ATL3: variants seen among roughly 807,000 people sequenced by gnomAD.
The protein encoded by ATL3 is atlastin-3.
Under a neutral mutation model 69.5 loss-of-function variants are expected in ATL3, and 49 were observed. The observed-to-expected ratio is 0.71, with a 90% CI of 0.56 to 0.89. The LOEUF (loss-of-function observed/expected upper bound fraction) is 0.89. Ranked by LOEUF, ATL3 falls within the 40% of genes least tolerant of loss-of-function variation. The pLI, the probability that ATL3 is intolerant of heterozygous loss-of-function variation, is 0.00. For missense variants in ATL3, 606 were observed against 645.7 expected (o/e 0.94, Z 0.67); for synonymous variants, 214 against 224.1 (o/e 0.95, Z 0.40).
intron 3 of ATL3, among the ~76,000 whole-genome samples, chr11:63,652,915 A>C (rs1392186802): frequency 6.6e-6 from 1 of 152,232 alleles, no homozygotes; most frequent in Non-Finnish European, 1.5e-5. Context: ...CATCTTGGCC[A>C]GGTGCAGTGG....
Position 63,629,266 on chromosome 11 carries a change from C to T in ATL3, c.*53G>A, listed in dbSNP as rs567830115. The T allele has an allele frequency of 6.0e-6, 9 of 1,502,864 alleles. No homozygotes were observed. The highest frequency in any genetic ancestry group is 2.3e-5 in the South Asian group (2 of 88,470). 93.1% of individuals were successfully genotyped at this position (1,502,864 alleles called of 1,614,324 possible). A position where few individuals can be genotyped will look rare whatever the true frequency, so the allele number is the denominator to read the frequency against. On this transcript the variant is annotated 3_prime_UTR_variant, in exon 13 of 13. Coordinates refer to ENST00000398868, the MANE Select transcript of ATL3 (RefSeq NM_015459.5). The stretch of plus-strand genomic sequence containing the variant: ...ATGAACCTGTGGCCGTGGCAGAAAC[C>T]CAGAAATCAGTAGGGGCTTGTTGTG...
At chr11:63,639,873 T>G (rs1003182863) in intron 8 of ATL3, among the ~76,000 whole-genome samples, 14 of 152,198 alleles carry the variant, frequency 9.2e-5, no homozygotes, top group Non-Finnish European at 1.5e-4. Context: ...TTTCTGCATT[T>G]AATAATATAT....
chr11:63,637,401 G>A (rs1485660571), intron 8 of ATL3, among the ~76,000 whole-genome samples: 1 of 152,026 alleles, frequency 6.6e-6, no homozygotes, highest in South Asian at 2.1e-4. Flanking sequence ...GAAATCACTG[G>A]TCATTGATTT....
intron 9 of ATL3, 45 bp from the exon 10 acceptor site, chr11:63,635,635 A>G (rs746679687): frequency 4.3e-5 from 60 of 1,408,958 alleles, no homozygotes; most frequent in Non-Finnish European, 5.7e-5. Context: ...TTATTCAGTC[A>G]TATCTTACTC....
chr11:63,658,716 TTTGTTG>T (rs762091846), intron 3 of ATL3, 39 bp downstream of exon 3: 1 of 1,552,280 alleles, frequency 6.4e-7, no homozygotes, highest in Non-Finnish European at 8.7e-7. Flanking sequence ...AAGTTCATAT[TTTGTTG>T]TTGTTGTTGT....
chr11:63,646,074 A>C (rs1297448712), intron 6 of ATL3, among the ~76,000 whole-genome samples: 2 of 132,304 alleles, frequency 1.5e-5, no homozygotes, highest in African/African-American at 5.8e-5. Context: ...CCATTTTTTT[A>C]AGAGATGTCT....
chr11:63,646,357 T>C, intron 6 of ATL3, 150 bp downstream of exon 6: 1 of 519,982 alleles, frequency 1.9e-6, no homozygotes, highest in African/African-American at 2.0e-5. Flanking sequence ...TGCTCATTTT[T>C]TTCAACCATT....
chr11:63,640,886 G>C (rs1939679945), intron 8 of ATL3, among the ~76,000 whole-genome samples: 1 of 152,114 alleles, frequency 6.6e-6, no homozygotes, highest in Non-Finnish European at 1.5e-5. Flanking sequence ...ACAGGCGTGA[G>C]CCACTGCACC....
chr11:63,659,920 G>A (rs1940370340), intron 1 of ATL3, among the ~76,000 whole-genome samples: 1 of 152,078 alleles, frequency 6.6e-6, no homozygotes, highest in African/African-American at 2.4e-5. Context: ...CTGGGTGACA[G>A]ATAAGACCCT....
chr11:63,630,603 C>G (rs1939280030), intron 12 of ATL3, among the ~76,000 whole-genome samples: 1 of 151,912 alleles, frequency 6.6e-6, no homozygotes, highest in South Asian at 2.1e-4. Flanking sequence ...CGAGACCAGC[C>G]TGGTCAACAT....
chr11:63,646,299 G>A (rs1017786782), intron 6 of ATL3, among the ~76,000 whole-genome samples: 1 of 152,214 alleles, frequency 6.6e-6, no homozygotes, highest in South Asian at 2.1e-4. Context: ...TTTACCTACA[G>A]ACAATGACAC....
Position 63,629,147 on chromosome 11 carries a change from A to C in ATL3, c.*172T>G, listed in dbSNP as rs2134457041. The C allele has an allele frequency of 1.7e-6, 1 of 587,300 alleles. No homozygotes were observed. Among genetic ancestry groups the C allele is most frequent in the African/African-American group, 1.9e-5 (1 of 53,856 alleles). 36.4% of individuals were successfully genotyped at this position (587,300 alleles called of 1,614,324 possible). On this transcript the variant is annotated 3_prime_UTR_variant, in exon 13 of 13. Coordinates refer to ENST00000398868, the MANE Select transcript of ATL3 (RefSeq NM_015459.5). ...TTCCAAGAGAAATGGAAGTGTGTTT[A>C]ATAATTTGAAACCACAGGAGAGGTC...
chr11:63,632,229 G>A (rs562063565), intron 11 of ATL3: 19 of 684,820 alleles, frequency 2.8e-5, no homozygotes, highest in Middle Eastern at 2.5e-4. Context: ...ACTATGCTTC[G>A]TGGTGCTCTG....
At chr11:63,634,728 G>GTAAA (rs1939458368) in intron 10 of ATL3, among the ~76,000 whole-genome samples, 1 of 152,128 alleles carries the variant, frequency 6.6e-6, no homozygotes, top group Admixed American at 6.5e-5. Flanking sequence ...TTCCACTAAA[G>GTAAA]TAAATAACAG....
upstream of ATL3, chr11:63,671,535 G>C: frequency 7.0e-7 from 1 of 1,427,008 alleles, no homozygotes; most frequent in South Asian, 1.5e-5. Context: ...CCCGAGGCGT[G>C]GCGAGCGCAG....
At chr11:63,629,776 C>A (rs182852424) in intron 12 of ATL3, among the ~76,000 whole-genome samples, 49 of 152,304 alleles carry the variant, frequency 3.2e-4, no homozygotes, top group Admixed American at 4.6e-4. Flanking sequence ...GTAACACCGG[C>A]TGCTTGGGAG....
In ATL3 at chr11:63,624,184, A is replaced by G. The variant is rs762401534; in HGVS notation, c.*5135T>C. On this transcript the variant is annotated 3_prime_UTR_variant, in exon 13 of 13. Coordinates refer to ENST00000398868, the MANE Select transcript of ATL3 (RefSeq NM_015459.5). Reference sequence around the variant, plus strand: ...TAATAGCATAATCTCATCCCATTGCACTTTTTAAAAACTATATTAAGTTTC... The same window carrying G: ...TAATAGCATAATCTCATCCCATTGCGCTTTTTAAAAACTATATTAAGTTTC... 6.6e-6 allele frequency: 1 copy of G among 152,222 alleles called. No individual in the cohort carries two copies. The highest frequency in any genetic ancestry group is 1.5e-5 in the Non-Finnish European group (1 of 68,042). The allele number at this position is 152,222 out of a possible 1,614,324, so 9.4% of individuals were successfully genotyped here. A position where few individuals can be genotyped will look rare whatever the true frequency, so the allele number is the denominator to read the frequency against.
intron 6 of ATL3, among the ~76,000 whole-genome samples, chr11:63,645,930 G>A (rs192618890): frequency 6.6e-6 from 1 of 152,020 alleles, no homozygotes; most frequent in East Asian, 1.9e-4. Flanking sequence ...ACCACGCCCA[G>A]CTGATTTTTG....
At chr11:63,658,384 A>C (rs1940322973) in intron 3 of ATL3, among the ~76,000 whole-genome samples, 2 of 152,210 alleles carry the variant, frequency 1.3e-5, no homozygotes, top group Non-Finnish European at 1.5e-5. Flanking sequence ...ACAGATTAAT[A>C]TTTTTTAACT....
Sources: gnomAD v4.1 joint callset for allele counts (sites outside exome capture counted in the v4.1 genomes callset) on GRCh38, gnomAD v4.1.1 for gene constraint, MANE v1.5 for transcripts, NCBI Gene and HGNC (gene_info 2026-07-23, HGNC 2026-07-21) for gene names.